IL1RAPL2: variants seen among roughly 807,000 people sequenced by gnomAD.
IL1RAPL2 encodes the protein X-linked interleukin-1 receptor accessory protein-like 2.
A neutral mutation model predicts 44.1 loss-of-function variants in IL1RAPL2; 3 were observed. The observed-to-expected ratio is 0.07, with a 90% CI of 0.03 to 0.18. IL1RAPL2 has a LOEUF of 0.18. Ranked by LOEUF, IL1RAPL2 falls within the 10% of genes least tolerant of loss-of-function variation. IL1RAPL2 has a pLI of 1.00. For synonymous variants in IL1RAPL2, 181 were observed against 178.8 expected (o/e 1.01, Z -0.10); for missense variants, 391 against 496.4 (o/e 0.79, Z 2.02).
chrX:105,418,621 C>G (rs368280459), intron 5 of IL1RAPL2, among the ~76,000 whole-genome samples: 2 of 111,715 alleles, frequency 1.8e-5, no homozygotes, highest in East Asian at 5.6e-4. Context: ...TAATCCTGGA[C>G]TAATTTTCAC....
chrX:105,339,941 A>G (rs2035057876), intron 5 of IL1RAPL2, among the ~76,000 whole-genome samples: 1 of 112,102 alleles, frequency 8.9e-6, no homozygotes, highest in Admixed American at 9.5e-5. Context: ...ATTAATAATC[A>G]GTTTGACTTG....
At chrX:104,996,988 T>C (rs892153750) in intron 2 of IL1RAPL2, among the ~76,000 whole-genome samples, 16 of 111,360 alleles carry the variant, frequency 1.4e-4, no homozygotes, top group Non-Finnish European at 2.3e-4. Flanking sequence ...GAAGGACAAA[T>C]AGGCCACTAT....
chrX:105,058,615 A>C (rs73245747), intron 2 of IL1RAPL2, among the ~76,000 whole-genome samples: 1 of 112,306 alleles, frequency 8.9e-6, no homozygotes, highest in Non-Finnish European at 1.9e-5. Flanking sequence ...TAGAGATTCA[A>C]TTAAATTTGT....
intron 2 of IL1RAPL2, among the ~76,000 whole-genome samples, chrX:104,972,987 A>G (rs187578545): frequency 2.7e-4 from 30 of 112,073 alleles, no homozygotes; most frequent in African/African-American, 8.1e-4. Context: ...GTTGTACTCA[A>G]GTAGTTATTC....
intron 6 of IL1RAPL2, among the ~76,000 whole-genome samples, chrX:105,671,364 G>T (rs1427052912): frequency 4.5e-5 from 5 of 112,130 alleles, no homozygotes; most frequent in African/African-American, 1.6e-4. Flanking sequence ...TCTTATTCTA[G>T]GAGTTGCTTT....
At chrX:104,602,346 C>T (rs935231574) in intron 1 of IL1RAPL2, among the ~76,000 whole-genome samples, 12 of 111,878 alleles carry the variant, frequency 1.1e-4, no homozygotes, top group African/African-American at 3.9e-4. Flanking sequence ...AGGAGATTCC[C>T]TCTGGTGCCC....
At chrX:105,051,981 T>C (rs1255397149) in intron 2 of IL1RAPL2, among the ~76,000 whole-genome samples, 3 of 112,425 alleles carry the variant, frequency 2.7e-5, no homozygotes, top group Non-Finnish European at 5.6e-5. Flanking sequence ...TGTATCCCAT[T>C]TTTGTTTTTG....
At chrX:105,188,820 A>T (rs782064634) in intron 2 of IL1RAPL2, among the ~76,000 whole-genome samples, 2 of 112,627 alleles carry the variant, frequency 1.8e-5, no homozygotes, top group African/African-American at 3.2e-5. Context: ...ATGGACAATG[A>T]TGCACAGATG....
intron 2 of IL1RAPL2, among the ~76,000 whole-genome samples, chrX:105,179,327 C>G (rs1281580938): frequency 8.9e-6 from 1 of 112,103 alleles, no homozygotes; most frequent in Non-Finnish European, 1.9e-5. Context: ...CCTGGGTTCT[C>G]TCTTCTGTTC....
intron 5 of IL1RAPL2, among the ~76,000 whole-genome samples, chrX:105,481,235 C>T (rs2036231329): frequency 8.9e-6 from 1 of 111,959 alleles, no homozygotes; most frequent in Non-Finnish European, 1.9e-5. Context: ...CAAGTGGGGG[C>T]TTTTGGTCCC....
At chrX:105,344,943 C>A (rs912535300) in intron 5 of IL1RAPL2, among the ~76,000 whole-genome samples, 21 of 111,543 alleles carry the variant, frequency 1.9e-4, no homozygotes, top group Non-Finnish European at 2.8e-4. Flanking sequence ...GTAGATATGT[C>A]TTGGTACAAA....
intron 2 of IL1RAPL2, among the ~76,000 whole-genome samples, chrX:105,156,431 G>A (rs989246415): frequency 1.8e-5 from 2 of 111,672 alleles, no homozygotes; most frequent in African/African-American, 6.5e-5. Context: ...TCACGATCAC[G>A]TATTTTGTGT....
At chrX:105,430,186 C>G (rs925128746) in intron 5 of IL1RAPL2, among the ~76,000 whole-genome samples, 6 of 111,612 alleles carry the variant, frequency 5.4e-5, no homozygotes, top group Non-Finnish European at 1.1e-4. Flanking sequence ...TAATATGGGG[C>G]AGGAAGATTG....
chrX:105,758,079 TG>T (rs1158789580), intron 10 of IL1RAPL2, among the ~76,000 whole-genome samples: 3 of 110,930 alleles, frequency 2.7e-5, no homozygotes, highest in African/African-American at 6.6e-5. Context: ...ACATTCCTGT[TG>T]GGGGGGAAAC....
Position 104,742,640 on chromosome X carries a change from A to C in IL1RAPL2, c.82+83645A>C, listed in dbSNP as rs188668492. Among the ~76,000 whole-genome samples, 4 of 111,732 alleles carry C rather than the reference A, an allele frequency of 3.6e-5. No homozygotes were observed. In the East Asian group the frequency reaches 1.1e-3, roughly 32 times the overall value. Reference sequence around the variant, plus strand: ...TTTTTAATAGTAAATGAAGTCATTCAGTTCTTGGATATTTTGGTTGACTGT... The same window carrying C: ...TTTTTAATAGTAAATGAAGTCATTCCGTTCTTGGATATTTTGGTTGACTGT... On this transcript the variant is annotated intron_variant, in intron 2 of 10. Coordinates refer to ENST00000372582, the MANE Select transcript of IL1RAPL2 (RefSeq NM_017416.2).
At chrX:104,854,568 C>A (rs949630276) in intron 2 of IL1RAPL2, among the ~76,000 whole-genome samples, 3 of 111,396 alleles carry the variant, frequency 2.7e-5, no homozygotes, top group South Asian at 3.8e-4. Context: ...GGACACTCTT[C>A]AGTAGGAGTA....
intron 2 of IL1RAPL2, among the ~76,000 whole-genome samples, chrX:104,665,554 G>T (rs1930473160): frequency 9.1e-6 from 1 of 110,184 alleles, no homozygotes; most frequent in African/African-American, 3.3e-5. Context: ...ATTTTTTATA[G>T]ATTCTTCCAG....
chrX:104,927,609 A>C (rs1056969879), intron 2 of IL1RAPL2, among the ~76,000 whole-genome samples: 3 of 111,885 alleles, frequency 2.7e-5, no homozygotes, highest in African/African-American at 9.7e-5. Flanking sequence ...TAATTTTGAC[A>C]ATATTATACG....
At chrX:105,443,410 G>C (rs1330635360) in intron 5 of IL1RAPL2, among the ~76,000 whole-genome samples, 2 of 110,861 alleles carry the variant, frequency 1.8e-5, no homozygotes, top group African/African-American at 6.6e-5. Flanking sequence ...ATTGACTATA[G>C]TTTCTGTGTT....
Sources: allele counts gnomAD v4.1 joint callset (sites outside exome capture counted in the v4.1 genomes callset), GRCh38; gene constraint gnomAD v4.1.1; transcripts MANE v1.5; gene names NCBI Gene and HGNC (gene_info 2026-07-23, HGNC 2026-07-21).